Variants in OLFM3 observed in about 807,000 individuals in gnomAD.
The protein encoded by OLFM3 is olfactomedin 3.
A neutral mutation model predicts 48.6 loss-of-function variants in OLFM3; 20 were observed. That is an observed-to-expected ratio of 0.41 (90% CI 0.29 to 0.60). The LOEUF is 0.60. Among genes scored for constraint, OLFM3 ranks in the 20% least tolerant of loss-of-function variants. The probability of loss-of-function intolerance (pLI) is 0.28; values close to 1 mark genes in which losing one functional copy is unlikely to be tolerated. For missense variants in OLFM3, 437 were observed against 544.3 expected, an observed-to-expected ratio of 0.80 and a Z score of 1.96; for synonymous variants, 222 against 198.1, an observed-to-expected ratio of 1.12 and a Z score of -1.01.
chr1:101,990,366 A>T (rs1158813065), intron 1 of OLFM3, among the ~76,000 whole-genome samples: 2 of 152,196 alleles, frequency 1.3e-5, no homozygotes, highest in Non-Finnish European at 2.9e-5. Context: ...AGGAGTCCTT[A>T]ATATATGGTC....
chr1:101,836,219 T>G (rs1655393497), intron 2 of OLFM3, among the ~76,000 whole-genome samples: 1 of 152,138 alleles, frequency 6.6e-6, no homozygotes, highest in South Asian at 2.1e-4. Flanking sequence ...AAAGTCTGAG[T>G]GAGAATATTT....
At chr1:101,839,465 A>T (rs1211448669) in intron 1 of OLFM3, among the ~76,000 whole-genome samples, 2 of 152,230 alleles carry the variant, frequency 1.3e-5, no homozygotes, top group African/African-American at 2.4e-5. Flanking sequence ...ATCTGGACAT[A>T]AGCCCTGCAG....
chr1:101,900,522 A>G (rs1186180156), intron 1 of OLFM3, among the ~76,000 whole-genome samples: 5 of 152,150 alleles, frequency 3.3e-5, no homozygotes, highest in African/African-American at 1.2e-4. Flanking sequence ...TGGTTTGAAA[A>G]TTGGCTATTG....
intron 1 of OLFM3, among the ~76,000 whole-genome samples, chr1:101,978,326 T>C (rs1661010078): frequency 6.6e-6 from 1 of 152,082 alleles, no homozygotes; most frequent in Non-Finnish European, 1.5e-5. Flanking sequence ...AAAGATAAGA[T>C]ACGGAAAAGA....
chr1:101,820,581 C>G (rs1654564748), intron 4 of OLFM3, among the ~76,000 whole-genome samples: 1 of 152,168 alleles, frequency 6.6e-6, no homozygotes, highest in African/African-American at 2.4e-5. Context: ...AGGTCCATCG[C>G]TGTTGAGAGA....
At chr1:101,970,404 G>T (rs1464489665) in intron 1 of OLFM3, among the ~76,000 whole-genome samples, 1 of 152,184 alleles carries the variant, frequency 6.6e-6, no homozygotes, top group Non-Finnish European at 1.5e-5. Flanking sequence ...GGGGAAAAGT[G>T]AGGAGAAGAT....
Position 101,836,855 on chromosome 1 carries a change from G to A in OLFM3, c.216+24C>T, listed in dbSNP as rs570574467. The A allele has an allele frequency of 7.6e-5, 123 of 1,610,152 alleles. 1 individual carries two copies. The South Asian group carries it at 1.3e-3, about 17-fold the overall frequency. ...GAATGGTCGATTTTACTAAAAATAT[G>A]CATAGGGGACACAGGACACCTACCT... On this transcript the variant is annotated intron_variant, in intron 2 of 5. Transcript: ENST00000370103.
chr1:101,917,719 T>C (rs1003674938), intron 1 of OLFM3, among the ~76,000 whole-genome samples: 1 of 152,198 alleles, frequency 6.6e-6, no homozygotes, highest in Non-Finnish European at 1.5e-5. Context: ...GTCCAGCCCA[T>C]AAACACTATA....
chr1:101,923,139 C>A (rs77620208), intron 1 of OLFM3, among the ~76,000 whole-genome samples: 14,030 of 152,162 alleles, frequency 0.092, 854 homozygotes, highest in East Asian at 0.21. Context: ...TCTTATCCAG[C>A]AGACAATGCC....
At chr1:101,825,826 C>T (rs556088279) in intron 3 of OLFM3, among the ~76,000 whole-genome samples, 1 of 152,100 alleles carries the variant, frequency 6.6e-6, no homozygotes, top group South Asian at 2.1e-4. Flanking sequence ...CTCAGGTATT[C>T]CTTGAACTTT....
At chr1:101,951,636 AG>A (rs748992171) in intron 1 of OLFM3, among the ~76,000 whole-genome samples, 4 of 152,206 alleles carry the variant, frequency 2.6e-5, no homozygotes, top group Non-Finnish European at 4.4e-5. Context: ...AGCCAAAAAA[AG>A]GAAAGGTCAG....
chr1:101,881,907 C>A (rs1657542188), intron 1 of OLFM3, among the ~76,000 whole-genome samples: 1 of 151,500 alleles, frequency 6.6e-6, no homozygotes, highest in Non-Finnish European at 1.5e-5. Context: ...TTTCCTCTTC[C>A]ACCTCTCTTT....
chr1:101,953,646 T>C (rs960053128), intron 1 of OLFM3, among the ~76,000 whole-genome samples: 3 of 152,174 alleles, frequency 2.0e-5, no homozygotes, highest in African/African-American at 4.8e-5. Context: ...TCAGAGTATT[T>C]TTGACCAGGC....
At chr1:101,965,727 G>A (rs1415095) in intron 1 of OLFM3, among the ~76,000 whole-genome samples, 121,951 of 152,132 alleles carry the variant, frequency 0.8, 49,097 homozygotes, top group East Asian at 0.96. Context: ...ATAACCAAAT[G>A]AAGAGGTTAT....
At chr1:101,945,110 T>TTAAA (rs1243488494) in intron 1 of OLFM3, among the ~76,000 whole-genome samples, 3 of 152,182 alleles carry the variant, frequency 2.0e-5, no homozygotes, top group Non-Finnish European at 4.4e-5. Flanking sequence ...TGGGAGTTTC[T>TTAAA]TAAATAAATA....
intron 1 of OLFM3, among the ~76,000 whole-genome samples, chr1:101,988,537 A>G (rs1200825663): frequency 5.3e-5 from 8 of 152,158 alleles, no homozygotes; most frequent in Non-Finnish European, 8.8e-5. Context: ...TCACTGCCTC[A>G]GTATCTTGTC....
intron 1 of OLFM3, among the ~76,000 whole-genome samples, chr1:101,956,078 A>C (rs1660279981): frequency 8.5e-6 from 1 of 117,794 alleles, no homozygotes. Flanking sequence ...AATTCAACAC[A>C]ATAACAGGTT....
At chr1:101,933,201 CAAAAAAAAA>C (rs761881274) in intron 1 of OLFM3, among the ~76,000 whole-genome samples, 111 of 40,124 alleles carry the variant, frequency 2.8e-3, no homozygotes, top group African/African-American at 7.9e-3. Context: ...GACTCCATCT[CAAAAAAAAA>C]AAAAAAAAAA....
At chr1:101,895,955 C>T (rs1037710488) in intron 1 of OLFM3, among the ~76,000 whole-genome samples, 22 of 140,902 alleles carry the variant, frequency 1.6e-4, no homozygotes, top group African/African-American at 5.6e-4. Context: ...ACCAAATAAT[C>T]CATTTAAAAC....
Sources: gnomAD v4.1 joint callset for allele counts (sites outside exome capture counted in the v4.1 genomes callset) on GRCh38, gnomAD v4.1.1 for gene constraint, MANE v1.5 for transcripts, NCBI Gene and HGNC (gene_info 2026-07-23, HGNC 2026-07-21) for gene names.